Variants in TACC2 observed in about 807,000 individuals in gnomAD.
TACC2 encodes transforming acidic coiled-coil-containing protein 2.
Under a neutral mutation model 227.3 loss-of-function variants are expected in TACC2, and 137 were observed. The observed-to-expected ratio is 0.60, with a 90% CI of 0.52 to 0.69. The LOEUF (loss-of-function observed/expected upper bound fraction) is 0.69, where lower values mean the gene tolerates loss of function less well. Ranked by LOEUF, TACC2 falls within the 30% of genes least tolerant of loss-of-function variation. TACC2 has a pLI of 0.00. For synonymous variants in TACC2, 1,523 were observed against 1,487.5 expected (o/e 1.02, Z -0.55); for missense variants, 3,470 against 3,694.4 (o/e 0.94, Z 1.57).
At chr10:122,091,048 G>A (rs1420880366) in intron 5 of TACC2, among the ~76,000 whole-genome samples, 2 of 152,132 alleles carry the variant, frequency 1.3e-5, no homozygotes, top group Non-Finnish European at 2.9e-5. Flanking sequence ...CCTACAAACA[G>A]ATCTTCATGG....
intron 5 of TACC2, among the ~76,000 whole-genome samples, chr10:122,103,879 C>T (rs532065244): frequency 6.6e-6 from 1 of 152,316 alleles, no homozygotes; most frequent in African/African-American, 2.4e-5. Context: ...GTGAGCACTG[C>T]AGGAAGGCTT....
At chr10:122,046,036 G>A (rs894415963) in intron 2 of TACC2, among the ~76,000 whole-genome samples, 1 of 152,138 alleles carries the variant, frequency 6.6e-6, no homozygotes, top group Non-Finnish European at 1.5e-5. Context: ...TTAGCTGGGT[G>A]TGGTGGTGCA....
At chr10:122,119,683 ACGGGTGGAT>A (rs2085347555) in intron 5 of TACC2, among the ~76,000 whole-genome samples, 1 of 152,164 alleles carries the variant, frequency 6.6e-6, no homozygotes, top group African/African-American at 2.4e-5. Context: ...GGAGGCCAAG[ACGGGTGGAT>A]CACCAAAGGT....
At chr10:122,242,957 G>C (rs1401927128) in intron 19 of TACC2, among the ~76,000 whole-genome samples, 1 of 152,034 alleles carries the variant, frequency 6.6e-6, no homozygotes, top group Admixed American at 6.6e-5. Flanking sequence ...TTTTGTTGTT[G>C]TTGTTTGAGA....
chr10:122,209,687 A>G lies in TACC2; in HGVS notation c.5972-710A>G, dbSNP rs1565625320. Among the ~76,000 whole-genome samples, 1 of 151,812 alleles carries G rather than the reference A, an allele frequency of 6.6e-6. No individual in the cohort carries two copies. The highest frequency in any genetic ancestry group is 1.5e-5 in the Non-Finnish European group (1 of 67,954). ...TGTATCACCCTCTGAAATTCTGTAC[A>G]TTGTTTGTTTGTTTTTGAGACAGAG... On this transcript the variant is annotated intron_variant, in intron 8 of 22. Transcript: ENST00000369005. The surrounding 1 kb of genome is among the most constrained non-coding windows in gnomAD (Gnocchi z 4.5).
At chr10:122,197,842 C>T (rs953946950) in intron 8 of TACC2, among the ~76,000 whole-genome samples, 1 of 152,228 alleles carries the variant, frequency 6.6e-6, no homozygotes, top group Non-Finnish European at 1.5e-5. Flanking sequence ...AACCGCCTCC[C>T]AGGCGGAGGG....
intron 1 of TACC2, among the ~76,000 whole-genome samples, chr10:122,007,932 T>C (rs11200320): frequency 0.14 from 20,592 of 152,136 alleles, 1,606 homozygotes; most frequent in Admixed American, 0.19. Flanking sequence ...AAAGCCAATT[T>C]GGCGTACTCT....
intron 9 of TACC2, among the ~76,000 whole-genome samples, chr10:122,212,022 C>T (rs1188974579): frequency 2.0e-5 from 3 of 152,228 alleles, no homozygotes; most frequent in Non-Finnish European, 4.4e-5. Context: ...TGGGAGATCC[C>T]ATGGAAGGGG....
chr10:122,072,041 C>G (rs1229807003), intron 3 of TACC2, among the ~76,000 whole-genome samples: 1 of 142,310 alleles, frequency 7.0e-6, no homozygotes, highest in East Asian at 2.1e-4. Context: ...TGCAGTGGCG[C>G]GATCTCAGCT....
chr10:122,060,409 G>T (rs901592681), intron 3 of TACC2, among the ~76,000 whole-genome samples: 4 of 152,240 alleles, frequency 2.6e-5, no homozygotes, highest in African/African-American at 9.6e-5. Flanking sequence ...CTGGCTGCCT[G>T]CAAGGAAGTT....
intron 5 of TACC2, among the ~76,000 whole-genome samples, chr10:122,115,825 A>G (rs767654608): frequency 1.6e-4 from 24 of 151,780 alleles, no homozygotes; most frequent in Non-Finnish European, 2.9e-4. Flanking sequence ...GATTTACTGT[A>G]GCTGGGGTTT....
Position 122,254,009 on chromosome 10 carries a change from C to G in TACC2, c.8800C>G (p.Leu2934Val). 6.2e-7 allele frequency: 1 copy of G among 1,614,112 alleles called. No homozygotes were observed. The highest frequency in any genetic ancestry group is 8.5e-7 in the Non-Finnish European group (1 of 1,179,980). Residue 2934 changes from leucine to valine, a missense_variant, in exon 23 of 23, where the codon CTC (leucine) becomes GTC (valine). Transcript: ENST00000369005. ...CTTGCAGAATAAAGAAATAGAAGAA[C>G]TCACCAAGATTTGTGACGAACTGAT... Reference protein sequence around the residue: ...LEQKNKEIEELTKICDELIAK... With the variant: ...LEQKNKEIEEVTKICDELIAK...
At chr10:122,000,643 A>C (rs564087898) in intron 1 of TACC2, among the ~76,000 whole-genome samples, 3 of 152,114 alleles carry the variant, frequency 2.0e-5, no homozygotes, top group Non-Finnish European at 4.4e-5. Flanking sequence ...TCAAGTATAC[A>C]CCAAAGTAGA....
intron 5 of TACC2, among the ~76,000 whole-genome samples, chr10:122,109,985 ATGTAGAACTTAAAGATAT>A (rs1217973960): frequency 1.3e-5 from 2 of 152,144 alleles, no homozygotes; most frequent in African/African-American, 4.8e-5. Flanking sequence ...ACAAAATCTT[ATGTAGAACTTAAAGATAT>A]GACAAAAGTC....
chr10:122,222,726 A>T (rs1045233486), intron 11 of TACC2, among the ~76,000 whole-genome samples: 1 of 151,464 alleles, frequency 6.6e-6, no homozygotes, highest in Non-Finnish European at 1.5e-5. Flanking sequence ...AGAGCCGGGC[A>T]CTCGCCCGGG....
chr10:122,092,640 T>C (rs999379746), intron 5 of TACC2, among the ~76,000 whole-genome samples: 1 of 152,222 alleles, frequency 6.6e-6, no homozygotes, highest in African/African-American at 2.4e-5. Flanking sequence ...TGAAGTCAAA[T>C]TGGCATTGCT....
chr10:122,018,833 C>A (rs1956997664), intron 1 of TACC2, among the ~76,000 whole-genome samples: 1 of 152,196 alleles, frequency 6.6e-6, no homozygotes, highest in Non-Finnish European at 1.5e-5. Flanking sequence ...AAGCGGGGCA[C>A]TGAGCTCCCC....
In TACC2 at chr10:122,083,129, A is replaced by T; in HGVS notation, c.629A>T (p.Lys210Met). The T allele has an allele frequency of 3.7e-6, 6 of 1,613,088 alleles. No homozygotes were observed. Among genetic ancestry groups the T allele is most frequent in the Non-Finnish European group, 5.1e-6 (6 of 1,179,990 alleles). The stretch of plus-strand genomic sequence containing the variant: ...CCAGTACCCCTCAGAGAGCCAATGA[A>T]GGCACCGCTGTGTGGAGAGGGGGAC... ...MSPVPLREPM[K>M]APLCGEGDQP... Residue 210 changes from lysine (K) to methionine (M), a missense_variant, in exon 4 of 23, where the codon AAG (lysine) becomes ATG (methionine). Lys to Met is a moderately conservative substitution (Grantham distance 95). Coordinates refer to ENST00000369005, the MANE Select transcript of TACC2 (RefSeq NM_206862.4).
chr10:122,087,824 C>G lies in TACC2; in HGVS notation c.5324C>G (p.Ala1775Gly), dbSNP rs2080252332. 1 of 1,564,074 alleles carries G rather than the reference C, an allele frequency of 6.4e-7. No individual in the cohort carries two copies. Among genetic ancestry groups the G allele is most frequent in the African/African-American group, 1.4e-5 (1 of 74,044 alleles). Residue 1775 changes from alanine to glycine, a missense_variant, in exon 4 of 23, where the codon GCT becomes GGT. Ala to Gly is a moderately conservative substitution (Grantham distance 60). Coordinates refer to ENST00000369005, the MANE Select transcript of TACC2 (RefSeq NM_206862.4). The stretch of plus-strand genomic sequence containing the variant: ...GACAGCCCAGCCAGGCCCCAGCAGG[C>G]TAAGGAGCAGCCAGGGCCTGAGCGC... ...HGDSPARPQQ[A>G]KEQPGPERPI... is the part of the protein sequence containing the mutation.
Sources: allele counts gnomAD v4.1 joint callset (sites outside exome capture counted in the v4.1 genomes callset), GRCh38; gene constraint gnomAD v4.1.1; non-coding constraint Gnocchi (gnomAD v3.1); transcripts MANE v1.5; gene names NCBI Gene and HGNC (gene_info 2026-07-23, HGNC 2026-07-21).